HDAC9: variants seen among roughly 807,000 people sequenced by gnomAD.
HDAC9 encodes the protein histone deacetylase 9, also known as MEF-2 interacting transcription repressor (MITR) protein.
Under a neutral mutation model 139.4 loss-of-function variants are expected in HDAC9, and 41 were observed. That is an observed-to-expected ratio of 0.29 (90% CI 0.23 to 0.38). The LOEUF is 0.38. HDAC9 is among the 10% of genes least tolerant of loss of function. The pLI, the probability that HDAC9 is intolerant of heterozygous loss-of-function variation, is 1.00. For missense variants in HDAC9, 1,147 were observed against 1,297.0 expected (o/e 0.88, Z 1.78); for synonymous variants, 517 against 476.2 (o/e 1.09, Z -1.12).
intron 12 of HDAC9, among the ~76,000 whole-genome samples, chr7:18,669,446 G>T (rs556888658): frequency 6.6e-6 from 1 of 151,716 alleles, no homozygotes; most frequent in African/African-American, 2.4e-5. Flanking sequence ...TCAAGTAAAG[G>T]CAACTCTGCC....
chr7:18,920,510 A>G (rs1391245806), intron 22 of HDAC9, among the ~76,000 whole-genome samples: 2 of 152,014 alleles, frequency 1.3e-5, no homozygotes, highest in East Asian at 1.9e-4. Flanking sequence ...GATTGCCCTG[A>G]CCAGAACTTC....
intron 12 of HDAC9, among the ~76,000 whole-genome samples, chr7:18,726,100 A>C (rs1347470763): frequency 1.3e-5 from 2 of 152,218 alleles, no homozygotes; most frequent in African/African-American, 2.4e-5. Flanking sequence ...ATGGTCTGTA[A>C]TTAAATCTAT....
chr7:18,494,201 A>G (rs942023610), upstream of HDAC9, among the ~76,000 whole-genome samples: 2 of 152,116 alleles, frequency 1.3e-5, no homozygotes, highest in Admixed American at 6.6e-5. Context: ...TGTAACTTAC[A>G]TATCCAAATA....
At chr7:18,487,034 A>G (rs2128132023) in intron 1 of HDAC9, among the ~76,000 whole-genome samples, 1 of 152,214 alleles carries the variant, frequency 6.6e-6, no homozygotes, top group Middle Eastern at 3.4e-3. Context: ...TCCAGAGAAT[A>G]TGGTGCACCA....
intron 21 of HDAC9, among the ~76,000 whole-genome samples, chr7:18,843,832 A>G (rs1377878794): frequency 2.0e-5 from 3 of 152,146 alleles, no homozygotes. Flanking sequence ...AGCTAGATAA[A>G]TATAATGGCT....
chr7:18,816,084 A>G (rs1314666025), intron 17 of HDAC9, among the ~76,000 whole-genome samples: 1 of 152,240 alleles, frequency 6.6e-6, no homozygotes, highest in Non-Finnish European at 1.5e-5. Flanking sequence ...CAAATAACTG[A>G]GCTTGATTTA....
At chr7:18,698,004 T>TA (rs1036340431) in intron 12 of HDAC9, among the ~76,000 whole-genome samples, 2 of 152,100 alleles carry the variant, frequency 1.3e-5, no homozygotes, top group African/African-American at 4.8e-5. Flanking sequence ...ATGCTAAAAT[T>TA]AGACTCACCA....
At position 18,240,784 on chromosome 7, in the gene HDAC9, G is replaced by T. The variant is rs1385894628; in HGVS notation, c.25+78435G>T. 3.3e-5 allele frequency among the ~76,000 whole-genome samples: 5 copies of T among 152,244 alleles called. No homozygotes were observed. The South Asian group carries it at 8.3e-4, about 25-fold the overall frequency. Reference sequence around the variant, plus strand: ...CTCATCTGTAAAAACCCTCTTCCTTGTTCATTCTACTCCACACTGGCCTTC... The same window carrying T: ...CTCATCTGTAAAAACCCTCTTCCTTTTTCATTCTACTCCACACTGGCCTTC... On this transcript the variant is annotated intron_variant, in intron 2 of 12. Coordinates refer to the HDAC9 transcript ENST00000417496.
At chr7:18,433,892 T>A in intron 1 of HDAC9, among the ~76,000 whole-genome samples, 1 of 152,066 alleles carries the variant, frequency 6.6e-6, no homozygotes, top group Non-Finnish European at 1.5e-5. Flanking sequence ...ACTACCAACC[T>A]TTTTCACAAA....
chr7:18,987,972 G>T (rs1785513979), intron 25 of HDAC9, among the ~76,000 whole-genome samples: 1 of 151,884 alleles, frequency 6.6e-6, no homozygotes, highest in Admixed American at 6.6e-5. Flanking sequence ...TTCTTTATTA[G>T]TCTTGCTAGC....
intron 1 of HDAC9, among the ~76,000 whole-genome samples, chr7:18,455,134 G>T (rs1793225312): frequency 6.6e-6 from 1 of 151,988 alleles, no homozygotes; most frequent in Non-Finnish European, 1.5e-5. Flanking sequence ...CAGGGACATA[G>T]AAATAAGTGT....
At chr7:18,693,532 A>G (rs1327258930) in intron 12 of HDAC9, among the ~76,000 whole-genome samples, 3 of 152,164 alleles carry the variant, frequency 2.0e-5, no homozygotes, top group African/African-American at 7.2e-5. Flanking sequence ...GGGAGGAGAG[A>G]GACGAGGAGA....
intron 2 of HDAC9, among the ~76,000 whole-genome samples, chr7:18,575,546 C>T (rs1037060993): frequency 6.6e-6 from 1 of 152,200 alleles, no homozygotes; most frequent in East Asian, 1.9e-4. Flanking sequence ...CATGTTGTCA[C>T]GTGTCAGCAC....
chr7:18,922,978 G>T (rs1202321625), intron 22 of HDAC9, among the ~76,000 whole-genome samples: 2 of 152,050 alleles, frequency 1.3e-5, no homozygotes, highest in Non-Finnish European at 2.9e-5. Flanking sequence ...TGAATTTGAA[G>T]TTGGAAATTA....
At chr7:18,437,441 A>G (rs1016506977) in intron 1 of HDAC9, among the ~76,000 whole-genome samples, 1 of 152,080 alleles carries the variant, frequency 6.6e-6, no homozygotes, top group East Asian at 1.9e-4. Context: ...CTCTGTTTTT[A>G]AATAATTGCT....
At chr7:18,985,137 T>C (rs1337267780) in intron 25 of HDAC9, among the ~76,000 whole-genome samples, 1 of 152,200 alleles carries the variant, frequency 6.6e-6, no homozygotes, top group Non-Finnish European at 1.5e-5. Context: ...GTTAGTTACA[T>C]ATGTATACAT....
intron 2 of HDAC9, among the ~76,000 whole-genome samples, chr7:18,576,817 G>A (rs1826111230): frequency 6.6e-6 from 1 of 152,092 alleles, no homozygotes; most frequent in Non-Finnish European, 1.5e-5. Flanking sequence ...CAGCTAAAGA[G>A]AATCCCAGTA....
chr7:18,932,183 T>A (rs970956723), intron 22 of HDAC9, among the ~76,000 whole-genome samples: 2 of 152,140 alleles, frequency 1.3e-5, no homozygotes, highest in African/African-American at 4.8e-5. Context: ...ATTTAAAAAT[T>A]AAAATTTTTT....
intron 2 of HDAC9, among the ~76,000 whole-genome samples, chr7:18,208,936 T>C (rs928700115): frequency 3.9e-5 from 6 of 152,256 alleles, no homozygotes; most frequent in African/African-American, 1.4e-4. Flanking sequence ...TTGCATTTAA[T>C]ATTTTATTAT....
Sources: allele counts gnomAD v4.1 joint callset (sites outside exome capture counted in the v4.1 genomes callset), GRCh38; gene constraint gnomAD v4.1.1; transcripts MANE v1.5; gene names NCBI Gene and HGNC (gene_info 2026-07-23, HGNC 2026-07-21).